SLC7A1: variants seen among roughly 807,000 people sequenced by gnomAD.
SLC7A1 encodes solute carrier family 7 member 1.
In SLC7A1, 10 loss-of-function variants were observed where a neutral mutation model predicts 53.9. The observed-to-expected ratio is 0.19, with a 90% confidence interval of 0.11 to 0.31. The LOEUF (loss-of-function observed/expected upper bound fraction) is 0.31, where lower values mean the gene tolerates loss of function less well. Ranked by LOEUF, SLC7A1 falls within the 10% of genes least tolerant of loss-of-function variation. The pLI is 1.00. For missense variants in SLC7A1, 525 were observed against 827.2 expected (o/e 0.63, Z 4.48); for synonymous variants, 342 against 338.7 (o/e 1.01, Z -0.11).
At chr13:29,571,997 G>C (rs1038129978) in intron 1 of SLC7A1, among the ~76,000 whole-genome samples, 1 of 152,236 alleles carries the variant, frequency 6.6e-6, no homozygotes, top group African/African-American at 2.4e-5. Flanking sequence ...TGCGTGTACA[G>C]TGTTGCTTCA....
intron 8 of SLC7A1, among the ~76,000 whole-genome samples, chr13:29,519,916 G>A (rs933493650): frequency 3.9e-5 from 6 of 152,170 alleles, no homozygotes; most frequent in African/African-American, 4.8e-5. Context: ...GTATAAGGAT[G>A]TGAACTGGGT....
At chr13:29,572,153 C>T (rs572507989) in intron 1 of SLC7A1, among the ~76,000 whole-genome samples, 10 of 152,344 alleles carry the variant, frequency 6.6e-5, no homozygotes, top group South Asian at 2.1e-4. Flanking sequence ...GAGGGTGCAG[C>T]GGCCGCCTGT....
intron 1 of SLC7A1, among the ~76,000 whole-genome samples, chr13:29,591,125 T>A (rs959855762): frequency 2.0e-5 from 3 of 151,758 alleles, no homozygotes; most frequent in Non-Finnish European, 4.4e-5. Context: ...ATATATATAT[T>A]TTTCTCCCAC....
chr13:29,539,939 C>T (rs1283140783), intron 2 of SLC7A1, among the ~76,000 whole-genome samples: 1 of 152,184 alleles, frequency 6.6e-6, no homozygotes, highest in Non-Finnish European at 1.5e-5. Context: ...AAATGAGACA[C>T]TTACTCTGTC....
At position 29,517,687 on chromosome 13, in the gene SLC7A1, G is replaced by C; in HGVS notation, c.1396C>G (p.Leu466Val). 6.2e-7 allele frequency: 1 copy of C among 1,614,212 alleles called. No homozygotes were observed. The highest frequency in any genetic ancestry group is 1.3e-5 in the African/African-American group (1 of 75,068). ...ATCTCTGCCTCTGGTAAAAAGCCCA[G>C]CTGGGAATCATTGGTGCTTGCCAAT... ...NELASTNDSQLGFLPEAEMFS... is the reference protein window; with the variant it reads ...NELASTNDSQVGFLPEAEMFS... Residue 466 changes from leucine (L) to valine (V), a missense_variant, in exon 10 of 13, where the codon CTG becomes GTG. Around this residue, in one of 4 missense-constraint regions of SLC7A1, gnomAD observed 122 missense variants for 140.9 expected, o/e 0.87. Transcript: ENST00000380752.
intron 8 of SLC7A1, 143 bp downstream of exon 8, chr13:29,522,174 G>T: frequency 1.1e-6 from 1 of 870,060 alleles, no homozygotes; most frequent in Non-Finnish European, 1.8e-6. Context: ...AACTTTCAAT[G>T]AACCAGGCTC....
At chr13:29,528,684 C>T (rs979051812) in intron 5 of SLC7A1, among the ~76,000 whole-genome samples, 1 of 152,232 alleles carries the variant, frequency 6.6e-6, no homozygotes, top group Non-Finnish European at 1.5e-5. Flanking sequence ...GCCAAGGAGG[C>T]TCCAGTCCTG....
Position 29,514,461 on chromosome 13 carries a change from C to CG in SLC7A1, c.*18dup, listed in dbSNP as rs766645447. 5.0e-6 allele frequency: 8 copies of CG among 1,594,218 alleles called. No homozygotes were observed. The highest frequency in any genetic ancestry group is 2.7e-5 in the African/African-American group (2 of 74,720). On this transcript the variant is annotated 3_prime_UTR_variant, in exon 13 of 13. Coordinates refer to ENST00000380752, the MANE Select transcript of SLC7A1 (RefSeq NM_003045.5). Reference sequence around the variant, plus strand: ...CGTCCCTCGGGGCTGCTGCCACCTCCGGGGGGCGGGGCTGTGCGTCACTTG... The same window carrying CG: ...CGTCCCTCGGGGCTGCTGCCACCTCCGGGGGGGCGGGGCTGTGCGTCACTTG...
At chr13:29,593,849 T>C (rs1033375881) in intron 1 of SLC7A1, among the ~76,000 whole-genome samples, 1 of 152,208 alleles carries the variant, frequency 6.6e-6, no homozygotes, top group Non-Finnish European at 1.5e-5. Flanking sequence ...AGTACATTTC[T>C]GATCTACTTA....
Position 29,530,547 on chromosome 13 carries a change from C to T in SLC7A1, c.695G>A (p.Cys232Tyr). 1 of 1,613,902 alleles carries T rather than the reference C, an allele frequency of 6.2e-7. No homozygotes were observed. The highest frequency in any genetic ancestry group is 1.1e-5 in the South Asian group (1 of 91,052). Residue 232 changes from cysteine to tyrosine, a missense_variant, in exon 5 of 13, where the codon TGT (cysteine) becomes TAT (tyrosine). Cys to Tyr is a radical substitution (Grantham distance 194). This residue lies in a region of SLC7A1 where 354 missense variants were observed against 587.5 expected (regional missense o/e 0.60). Coordinates refer to ENST00000380752, the MANE Select transcript of SLC7A1 (RefSeq NM_003045.5). ...EDFGNTSGRL[C>Y]LNNDTKEGKP... ...AGAAGCAGCAACTCACTTGTTCAAA[C>T]AGAGACGGCCTGATGTGTTCCCAAA...
At chr13:29,583,673 T>C (rs75681755) in intron 1 of SLC7A1, among the ~76,000 whole-genome samples, 3,754 of 152,266 alleles carry the variant, frequency 0.025, 140 homozygotes, top group African/African-American at 0.085. Flanking sequence ...GAGACGGCAA[T>C]GCCCTCACCT....
chr13:29,553,978 C>G (rs985829000), intron 1 of SLC7A1, 118 bp from the exon 2 acceptor site: 1 of 151,978 alleles, frequency 6.6e-6, no homozygotes, highest in Non-Finnish European at 1.5e-5. Context: ...GCACATGCCA[C>G]CTTAACAGCA....
rs773724865 is a variant in SLC7A1 at position 29,532,849 on chromosome 13, T to C, written c.504A>G (p.Ala168=). 5.0e-6 allele frequency: 8 copies of C among 1,613,814 alleles called. No homozygotes were observed. The highest frequency in any genetic ancestry group is 2.2e-5 in the East Asian group (1 of 44,878). The change falls in exon 4 of 13, where the codon GCA becomes GCG. Residue 168 remains alanine, a synonymous_variant. Transcript: ENST00000380752. Reference sequence around the variant, plus strand: ...CTGTCAAGATGAGAATTATGATCACTGCGAATATGTCGGGGTTTTCAGCCA... The same window carrying C: ...CTGTCAAGATGAGAATTATGATCACCGCGAATATGTCGGGGTTTTCAGCCA... The part of the protein sequence containing the change: ...GVLAENPDIF[A]VIIILILTGL...
Position 29,519,547 on chromosome 13 carries a change from C to T in SLC7A1, c.1192G>A (p.Val398Met), listed in dbSNP as rs1868524305. The T allele has an allele frequency of 6.2e-7, 1 of 1,602,764 alleles. No individual in the cohort carries two copies. ...ATLASGAVAA[V>M]MAFLFDLKDL... is the part of the protein sequence containing the mutation. Reference sequence around the variant, plus strand: ...TTCAGGTCAAAGAGGAAGGCCATCACAGCTGGGAAGAGACAGACACCAGGA... The same window carrying T: ...TTCAGGTCAAAGAGGAAGGCCATCATAGCTGGGAAGAGACAGACACCAGGA... Residue 398 changes from valine (V) to methionine (M), a missense_variant and splice_region_variant, in exon 9 of 13, where the codon GTG becomes ATG. By Grantham distance (21) the Val-to-Met change is conservative. Around this residue, in one of 4 missense-constraint regions of SLC7A1, gnomAD observed 354 missense variants for 587.5 expected, o/e 0.60. Coordinates refer to ENST00000380752, the MANE Select transcript of SLC7A1 (RefSeq NM_003045.5).
rs1427106830 is a variant in SLC7A1, at chr13:29,511,403, C to T, written c.*3077G>A. 1.3e-5 allele frequency: 2 copies of T among 152,234 alleles called. No individual in the cohort carries two copies. The highest frequency in any genetic ancestry group is 1.9e-4 in the East Asian group (1 of 5,200). The allele number at this position is 152,234 out of a possible 1,614,324, so 9.4% of individuals were successfully genotyped here. ...CTGACAACAGTATACATTTAGCGAC[C>T]TTTCTGAGACAGCCTGGGGAAAATG... On this transcript the variant is annotated 3_prime_UTR_variant, in exon 13 of 13. Transcript: ENST00000380752.
At chr13:29,535,713 C>G in intron 3 of SLC7A1, 106 bp downstream of exon 3, 1 of 1,096,248 alleles carries the variant, frequency 9.1e-7, no homozygotes, top group Admixed American at 2.3e-5. Context: ...CTGTGCCTCT[C>G]GTGTTAACAA....
intron 5 of SLC7A1, among the ~76,000 whole-genome samples, chr13:29,530,157 C>T (rs1270079192): frequency 2.0e-5 from 3 of 152,290 alleles, no homozygotes; most frequent in East Asian, 1.9e-4. Flanking sequence ...GAGGTCACCA[C>T]GGCACTGCAG....
At chr13:29,542,203 C>T (rs543430062) in intron 2 of SLC7A1, among the ~76,000 whole-genome samples, 46 of 152,312 alleles carry the variant, frequency 3.0e-4, no homozygotes, top group African/African-American at 1.0e-3. Flanking sequence ...ACCTGTAATC[C>T]CAGCACTTTG....
Position 29,530,602 on chromosome 13 carries a change from C to T in SLC7A1, c.640G>A (p.Val214Ile), listed in dbSNP as rs1869103498. 6.8e-6 allele frequency: 11 copies of T among 1,614,162 alleles called. No homozygotes were observed. Among genetic ancestry groups the T allele is most frequent in the Non-Finnish European group, 9.3e-6 (11 of 1,180,032 alleles). Reference sequence around the variant, plus strand: ...TCCTCCGTGAGCTGCCAGTTTTTAACCGATCCTTTCACAAATCCTGACACC... The same window carrying T: ...TCCTCCGTGAGCTGCCAGTTTTTAATCGATCCTTTCACAAATCCTGACACC... ...IMVSGFVKGSVKNWQLTEEDF... is the reference protein window; with the variant it reads ...IMVSGFVKGSIKNWQLTEEDF... Residue 214 changes from valine to isoleucine, a missense_variant, in exon 5 of 13, where the codon GTT becomes ATT. Val to Ile is a conservative substitution (Grantham distance 29). Coordinates refer to ENST00000380752, the MANE Select transcript of SLC7A1 (RefSeq NM_003045.5).
Sources: allele counts gnomAD v4.1 joint callset (sites outside exome capture counted in the v4.1 genomes callset), GRCh38; gene constraint gnomAD v4.1.1; regional missense constraint gnomAD v4.1.1; transcripts MANE v1.5; gene names NCBI Gene and HGNC (gene_info 2026-07-23, HGNC 2026-07-21).